MTMR7: variants seen among roughly 807,000 people sequenced by gnomAD.
MTMR7 encodes the protein myotubularin related protein 7.
MTMR7 carries 76 observed loss-of-function variants against 81.2 expected under a neutral mutation model. That is an observed-to-expected ratio of 0.94 (90% CI 0.78 to 1.13). The LOEUF (loss-of-function observed/expected upper bound fraction) is 1.13. MTMR7 is among the 50% of genes most tolerant of loss of function. The pLI, the probability that MTMR7 is intolerant of heterozygous loss-of-function variation, is 0.00. For synonymous variants in MTMR7, 372 were observed against 289.8 expected, an observed-to-expected ratio of 1.28 and a Z score of -2.88; for missense variants, 1,044 against 820.0, an observed-to-expected ratio of 1.27 and a Z score of -3.34.
At chr8:17,344,374 G>T (rs1365857363) in intron 5 of MTMR7, among the ~76,000 whole-genome samples, 1 of 152,234 alleles carries the variant, frequency 6.6e-6, no homozygotes, top group Admixed American at 6.5e-5. Context: ...CACTTCGGGA[G>T]GCCAAGGCAG....
intron 1 of MTMR7, among the ~76,000 whole-genome samples, chr8:17,408,183 G>A (rs1488544198): frequency 3.2e-5 from 2 of 61,990 alleles, no homozygotes; most frequent in African/African-American, 6.5e-5. Context: ...GAGGTCAGGA[G>A]ATCGAGACCA....
At position 17,371,097 on chromosome 8, in the gene MTMR7, T is replaced by G; in HGVS notation, c.250A>C (p.Ile84Leu). Residue 84 changes from isoleucine to leucine, a missense_variant, in exon 3 of 14, where the codon ATA (isoleucine) becomes CTA (leucine). Physicochemically the swap from Ile to Leu is conservative, Grantham distance 5. Transcript: ENST00000180173. ...CKNFQIIQLI[I>L]PQERDCHDVY... ...TCGTGGCAATCTCTTTCCTGAGGTA[T>G]GATGAGCTGTATTATCTGAAAGTTC... 6.2e-7 allele frequency: 1 copy of G among 1,614,224 alleles called. No individual in the cohort carries two copies. The highest frequency in any genetic ancestry group is 8.5e-7 in the Non-Finnish European group (1 of 1,180,026).
intron 1 of MTMR7, among the ~76,000 whole-genome samples, chr8:17,383,725 A>C (rs1245276834): frequency 6.6e-6 from 1 of 151,500 alleles, no homozygotes; most frequent in Non-Finnish European, 1.5e-5. Flanking sequence ...TGGCCATGTG[A>C]CCTCCCTGCT....
chr8:17,399,423 T>C (rs542278512), intron 1 of MTMR7, among the ~76,000 whole-genome samples: 2,134 of 151,164 alleles, frequency 0.014, 64 homozygotes, highest in African/African-American at 0.049. Context: ...ACAATTTAAC[T>C]TAAGTAAAAG....
intron 3 of MTMR7, among the ~76,000 whole-genome samples, chr8:17,369,623 G>C (rs940758093): frequency 8.1e-5 from 12 of 148,648 alleles, no homozygotes; most frequent in African/African-American, 2.7e-4. Context: ...GAGTATAGTA[G>C]AGTATATTTC....
At chr8:17,408,024 G>A (rs1821637611) in intron 1 of MTMR7, among the ~76,000 whole-genome samples, 1 of 152,134 alleles carries the variant, frequency 6.6e-6, no homozygotes, top group Admixed American at 6.5e-5. Flanking sequence ...ACTAATTCTG[G>A]CAGGGTTCTA....
intron 1 of MTMR7, among the ~76,000 whole-genome samples, chr8:17,374,345 G>A (rs527884717): frequency 7.4e-4 from 112 of 152,074 alleles, no homozygotes; most frequent in African/African-American, 2.5e-3. Context: ...AAAATTGGCC[G>A]GGAGCGGTGG....
At chr8:17,300,272 C>G in intron 13 of MTMR7, 48 bp from the exon 14 acceptor site, 1 of 1,548,928 alleles carries the variant, frequency 6.5e-7, no homozygotes, top group Non-Finnish European at 8.7e-7. Context: ...AATAACTTAT[C>G]TTTTTCTATA....
At chr8:17,407,093 G>T (rs1821607989) in intron 1 of MTMR7, among the ~76,000 whole-genome samples, 1 of 152,032 alleles carries the variant, frequency 6.6e-6, no homozygotes, top group Non-Finnish European at 1.5e-5. Flanking sequence ...GCATACTTTA[G>T]AAAGGTAAAT....
At chr8:17,311,942 C>T (rs969338752) in intron 8 of MTMR7, 4 of 253,312 alleles carry the variant, frequency 1.6e-5, no homozygotes, top group Admixed American at 5.0e-5. Flanking sequence ...CTTCCCTCCC[C>T]TCTGAGTTTC....
chr8:17,378,922 G>T (rs947775991), intron 1 of MTMR7, among the ~76,000 whole-genome samples: 1 of 152,124 alleles, frequency 6.6e-6, no homozygotes, highest in Non-Finnish European at 1.5e-5. Flanking sequence ...TTGAAGCCAT[G>T]GGACTAAAAA....
chr8:17,397,111 C>T (rs559524978), intron 1 of MTMR7, among the ~76,000 whole-genome samples: 17 of 151,956 alleles, frequency 1.1e-4, no homozygotes, highest in East Asian at 3.9e-4. Context: ...GAGACTGAGG[C>T]GTGCTGGCTT....
intron 4 of MTMR7, among the ~76,000 whole-genome samples, chr8:17,351,538 T>G (rs902828860): frequency 6.6e-6 from 1 of 152,126 alleles, no homozygotes; most frequent in African/African-American, 2.4e-5. Flanking sequence ...AGAGTAGAGG[T>G]ATGTAGATTT....
At chr8:17,308,866 C>G (rs1456578925) in intron 10 of MTMR7, among the ~76,000 whole-genome samples, 3 of 152,336 alleles carry the variant, frequency 2.0e-5, no homozygotes, top group African/African-American at 7.2e-5. Flanking sequence ...ACAAACTGCA[C>G]TCCGATACAA....
At chr8:17,318,083 T>G (rs1432305692) in intron 7 of MTMR7, among the ~76,000 whole-genome samples, 1 of 152,110 alleles carries the variant, frequency 6.6e-6, no homozygotes, top group Non-Finnish European at 1.5e-5. Flanking sequence ...AATCCACTCA[T>G]GCACTCAGGA....
chr8:17,311,414 G>T, intron 9 of MTMR7, 97 bp downstream of exon 9: 1 of 1,504,436 alleles, frequency 6.6e-7, no homozygotes, highest in Non-Finnish European at 9.1e-7. Flanking sequence ...GAAAAATAAT[G>T]CTGGCAAGAA....
At chr8:17,372,901 C>G (rs1246971558) in intron 2 of MTMR7, 3 of 500,484 alleles carry the variant, frequency 6.0e-6, no homozygotes, top group African/African-American at 1.9e-5. Context: ...CTAAGTCTCT[C>G]TTCACTGATG....
intron 1 of MTMR7, among the ~76,000 whole-genome samples, chr8:17,382,664 C>A (rs1232166309): frequency 1.3e-5 from 2 of 152,268 alleles, no homozygotes; most frequent in East Asian, 1.9e-4. Context: ...GAAATACCCA[C>A]CCCTTGGTCA....
chr8:17,331,273 T>C lies in MTMR7; in HGVS notation c.742A>G (p.Met248Val), dbSNP rs765385954. The change falls in exon 7 of 14, where the codon ATG becomes GTG. Residue 248 changes from methionine to valine, a missense_variant. Transcript: ENST00000180173. ...VVDTRPKLNA[M>V]ANRAAGKGYE... The stretch of plus-strand genomic sequence containing the variant: ...CCTTTCCCTGCAGCACGATTTGCCA[T>C]TGCATTAAGCTGCAGTGGTCAGCAA... 9 of 1,606,488 alleles carry C rather than the reference T, an allele frequency of 5.6e-6. No homozygotes were observed. Among genetic ancestry groups the C allele is most frequent in the East Asian group, 2.2e-5 (1 of 44,584 alleles).
Sources: gnomAD v4.1 joint callset for allele counts (sites outside exome capture counted in the v4.1 genomes callset) on GRCh38, gnomAD v4.1.1 for gene constraint, MANE v1.5 for transcripts, NCBI Gene and HGNC (gene_info 2026-07-23, HGNC 2026-07-21) for gene names.